MYO9A: variants seen among roughly 807,000 people sequenced by gnomAD.
MYO9A encodes unconventional myosin-IXa.
Under a neutral mutation model 293.3 loss-of-function variants are expected in MYO9A, and 103 were observed. That is an observed-to-expected ratio of 0.35 (90% CI 0.30 to 0.41). The LOEUF (loss-of-function observed/expected upper bound fraction) is 0.41. MYO9A is among the 10% of genes least tolerant of loss of function. The pLI, the probability that MYO9A is intolerant of heterozygous loss-of-function variation, is 1.00. For missense variants in MYO9A, 2,685 were observed against 3,033.0 expected (o/e 0.89, Z 2.69); for synonymous variants, 1,001 against 1,035.7 (o/e 0.97, Z 0.64).
chr15:72,109,282 C>T lies in MYO9A; in HGVS notation c.-72+8398G>A, dbSNP rs1342388113. 1.5e-4 allele frequency among the ~76,000 whole-genome samples: 22 copies of T among 151,168 alleles called. 1 individual carries two copies. Among genetic ancestry groups the T allele is most frequent in the Admixed American group, 1.4e-3 (21 of 15,188 alleles). On this transcript the variant is annotated intron_variant, in intron 1 of 41. Coordinates refer to ENST00000356056, the MANE Select transcript of MYO9A (RefSeq NM_006901.4). ...GCGGGTGCCTGTAGTCCCAGCTACTCGGGAGGCTGAGGCAGGAGAATGGTG... is the reference window on the plus strand; with the variant it reads ...GCGGGTGCCTGTAGTCCCAGCTACTTGGGAGGCTGAGGCAGGAGAATGGTG...
At chr15:71,944,260 A>G (rs577251537) in intron 15 of MYO9A, among the ~76,000 whole-genome samples, 13 of 152,138 alleles carry the variant, frequency 8.5e-5, no homozygotes, top group Non-Finnish European at 1.8e-4. Flanking sequence ...TATGAATATT[A>G]CAAATTGTAA....
intron 41 of MYO9A, 40 bp from the exon 42 acceptor site, chr15:71,827,083 C>T: frequency 7.0e-7 from 1 of 1,426,752 alleles, no homozygotes; most frequent in Non-Finnish European, 9.4e-7. Context: ...ATGACAGTGC[C>T]CTCTAAAGCA....
At chr15:72,095,749 T>A (rs1340969360) in intron 1 of MYO9A, among the ~76,000 whole-genome samples, 1 of 88,852 alleles carries the variant, frequency 1.1e-5, no homozygotes, top group African/African-American at 2.6e-5. Flanking sequence ...CCAATGCTCA[T>A]TGACCATTCT....
intron 8 of MYO9A, among the ~76,000 whole-genome samples, chr15:72,000,635 A>G (rs558168884): frequency 2.0e-5 from 3 of 152,094 alleles, no homozygotes; most frequent in Non-Finnish European, 4.4e-5. Flanking sequence ...TATGTGGATA[A>G]TTTATTATTA....
At chr15:71,947,240 C>A (rs2058938260) in intron 15 of MYO9A, among the ~76,000 whole-genome samples, 1 of 148,574 alleles carries the variant, frequency 6.7e-6, no homozygotes, top group Non-Finnish European at 1.5e-5. Flanking sequence ...CAAGATCATG[C>A]CACTGCACTC....
intron 1 of MYO9A, among the ~76,000 whole-genome samples, chr15:72,055,089 T>C (rs1055258534): frequency 1.3e-5 from 2 of 152,256 alleles, no homozygotes; most frequent in African/African-American, 2.4e-5. Flanking sequence ...AGAAAACATA[T>C]TTTGTACCAT....
At chr15:71,920,145 T>C (rs2058118659) in intron 18 of MYO9A, among the ~76,000 whole-genome samples, 1 of 152,236 alleles carries the variant, frequency 6.6e-6, no homozygotes, top group African/African-American at 2.4e-5. Flanking sequence ...AGGGCTTCAG[T>C]TCCTTGTCTA....
At chr15:71,948,116 A>C (rs759093878) in intron 15 of MYO9A, among the ~76,000 whole-genome samples, 2 of 152,184 alleles carry the variant, frequency 1.3e-5, no homozygotes, top group Non-Finnish European at 2.9e-5. Flanking sequence ...GCCACATTCC[A>C]TTTCTTGGAA....
intron 11 of MYO9A, among the ~76,000 whole-genome samples, chr15:71,988,088 A>G (rs1024059158): frequency 3.3e-5 from 5 of 152,192 alleles, no homozygotes; most frequent in African/African-American, 1.2e-4. Flanking sequence ...TACAATAAAG[A>G]ATGTTTGTCT....
chr15:71,950,103 T>A (rs1373260027), intron 15 of MYO9A: 2 of 152,164 alleles, frequency 1.3e-5, no homozygotes, highest in Non-Finnish European at 2.9e-5. Context: ...CTAAAGCTGG[T>A]AGTTCCGTTT....
chr15:71,937,581 A>G (rs967301250), intron 16 of MYO9A, among the ~76,000 whole-genome samples: 17 of 152,312 alleles, frequency 1.1e-4, no homozygotes, highest in African/African-American at 4.1e-4. Context: ...TAGTGTAAAC[A>G]TAACTTTTAT....
chr15:71,885,290 A>G (rs1181860292), intron 27 of MYO9A, among the ~76,000 whole-genome samples: 1 of 152,116 alleles, frequency 6.6e-6, no homozygotes, highest in Non-Finnish European at 1.5e-5. Context: ...AATGATATTC[A>G]GTATTTATTT....
In MYO9A at chr15:71,938,873, G is replaced by A. The variant is rs2058700691; in HGVS notation, c.2357C>T (p.Ala786Val). 1.9e-6 allele frequency: 3 copies of A among 1,608,914 alleles called. No individual in the cohort carries two copies. The highest frequency in any genetic ancestry group is 1.1e-5 in the South Asian group (1 of 90,228). The change falls in exon 16 of 42, where the codon GCT becomes GTT. Residue 786 changes from alanine (A) to valine (V), a missense_variant. Transcript: ENST00000356056. ...TTACTGTTGGTTTTTTTCATTTAGA[G>A]CATTCATGCCCTGGAGATCAGAAAG... ...TPLSDLQGMN[A>V]LNEKNQHDTF... is the part of the protein sequence containing the mutation.
chr15:71,956,415 GGTCACCTGAGGTCAGGAGTTGAA>G (rs1391329653), intron 14 of MYO9A, among the ~76,000 whole-genome samples: 1 of 145,402 alleles, frequency 6.9e-6, no homozygotes, highest in Non-Finnish European at 1.5e-5. Context: ...GAGGCAGGTG[GGTCACCTGAGGTCAGGAGTTGAA>G]GACCAGTCTG....
At chr15:72,019,246 T>C (rs1257687383) in intron 5 of MYO9A, 151 bp from the exon 6 acceptor site, 1 of 660,860 alleles carries the variant, frequency 1.5e-6, no homozygotes. Context: ...AAGCAAATAT[T>C]CACATGCTGG....
At position 71,843,292 on chromosome 15, in the gene MYO9A, G is replaced by A. The variant is rs567325708; in HGVS notation, c.6837+5553C>T. On this transcript the variant is annotated intron_variant, in intron 39 of 41. Transcript: ENST00000356056. Reference sequence around the variant, plus strand: ...AAAAATACAAAAATTAGCCGGGCACGGTGGCAGGCACCTATAATCTCAGCT... The same window carrying A: ...AAAAATACAAAAATTAGCCGGGCACAGTGGCAGGCACCTATAATCTCAGCT... 9.2e-5 allele frequency among the ~76,000 whole-genome samples: 14 copies of A among 152,176 alleles called. No individual in the cohort carries two copies. The South Asian group carries it at 1.5e-3, about 16-fold the overall frequency.
At chr15:72,034,330 CGCTCTACTTATTATGCAT>C (rs1374161111) in intron 2 of MYO9A, among the ~76,000 whole-genome samples, 1 of 152,162 alleles carries the variant, frequency 6.6e-6, no homozygotes, top group Non-Finnish European at 1.5e-5. Flanking sequence ...TGACAACCAC[CGCTCTACTTATTATGCAT>C]GCATTTACAT....
At chr15:71,892,927 A>T (rs971521102) in intron 26 of MYO9A, 2 of 1,155,488 alleles carry the variant, frequency 1.7e-6, no homozygotes, top group Non-Finnish European at 2.2e-6. Flanking sequence ...TTTCCATCAG[A>T]TTTGCTTGCT....
rs777359824 is a variant in MYO9A at position 71,898,724 on chromosome 15, T to C, written c.3779A>G (p.Glu1260Gly). 1 of 1,614,086 alleles carries C rather than the reference T, an allele frequency of 6.2e-7. No individual in the cohort carries two copies. The highest frequency in any genetic ancestry group is 1.1e-5 in the South Asian group (1 of 91,066). Reference protein sequence around the residue: ...VLVRERPRSLEDLHQKKVGRA... With the variant: ...VLVRERPRSLGDLHQKKVGRA... Reference sequence around the variant, plus strand: ...GCCTACTTTTTTCTGATGGAGATCCTCCAAGGATCTGGGTCTCTCTCTTAC... The same window carrying C: ...GCCTACTTTTTTCTGATGGAGATCCCCCAAGGATCTGGGTCTCTCTCTTAC... Residue 1260 changes from glutamate (E) to glycine (G), a missense_variant, in exon 25 of 42, where the codon GAG becomes GGG. Glu to Gly is a moderately conservative substitution (Grantham distance 98). Transcript: ENST00000356056.
Sources: gnomAD v4.1 joint callset for allele counts (sites outside exome capture counted in the v4.1 genomes callset) on GRCh38, gnomAD v4.1.1 for gene constraint, MANE v1.5 for transcripts, NCBI Gene and HGNC (gene_info 2026-07-23, HGNC 2026-07-21) for gene names.